Variants in NXPE1 observed in about 807,000 individuals in gnomAD.
The protein encoded by NXPE1 is neurexophilin and PC-esterase domain family member 1, also known as NXPE family member 1.
NXPE1 carries 31 observed loss-of-function variants against 33.3 expected under a neutral mutation model. The ratio of observed to expected loss-of-function variants is 0.93; its 90% CI spans 0.70 to 1.26. The LOEUF (loss-of-function observed/expected upper bound fraction) is 1.26. Among genes scored for constraint, NXPE1 ranks in the 50% most tolerant of loss-of-function variants. The pLI is 0.00. For synonymous variants in NXPE1, 229 were observed against 231.4 expected (o/e 0.99, Z 0.09); for missense variants, 661 against 655.6 (o/e 1.01, Z -0.09).
At chr11:114,530,116 G>T in intron 6 of NXPE1, 59 bp downstream of exon 6, 1 of 1,502,928 alleles carries the variant, frequency 6.7e-7, no homozygotes, top group South Asian at 1.3e-5. Flanking sequence ...GGGCAATGTA[G>T]CTCTGACTGG....
chr11:114,526,891 T>C (rs1565297878), intron 7 of NXPE1, among the ~76,000 whole-genome samples: 1 of 152,222 alleles, frequency 6.6e-6, no homozygotes, highest in Non-Finnish European at 1.5e-5. Flanking sequence ...ATTATTTGCT[T>C]AAATCCAGCA....
intron 5 of NXPE1, among the ~76,000 whole-genome samples, chr11:114,537,530 C>G (rs1235667145): frequency 1.3e-5 from 2 of 152,158 alleles, no homozygotes; most frequent in Non-Finnish European, 2.9e-5. Context: ...ATCTAGAAAA[C>G]CCCATTGTCT....
chr11:114,522,341 T>A (rs748894346), exon 9 of NXPE1: 2 of 1,614,016 alleles, frequency 1.2e-6, no homozygotes, highest in Non-Finnish European at 8.5e-7. Context: ...TGATAGCCGG[T>A]CAATTTCCCG....
intron 7 of NXPE1, chr11:114,527,256 AT>A (rs1233393713): frequency 6.6e-6 from 1 of 152,268 alleles, no homozygotes; most frequent in Non-Finnish European, 1.5e-5. Context: ...ATAAATAAAC[AT>A]TTGTGGAATA....
intron 7 of NXPE1, chr11:114,526,763 C>A (rs1419995371): frequency 1.3e-5 from 2 of 152,198 alleles, no homozygotes; most frequent in African/African-American, 4.8e-5. Flanking sequence ...ATTTGTATTA[C>A]TTCTAACAAG....
intron 5 of NXPE1, among the ~76,000 whole-genome samples, chr11:114,540,076 C>A (rs573922612): frequency 6.6e-6 from 1 of 152,180 alleles, no homozygotes; most frequent in Non-Finnish European, 1.5e-5. Context: ...CTGCCTCAGC[C>A]GCCTGAATAG....
At chr11:114,541,221 A>T (rs1948089303) in intron 5 of NXPE1, among the ~76,000 whole-genome samples, 1 of 152,202 alleles carries the variant, frequency 6.6e-6, no homozygotes, top group African/African-American at 2.4e-5. Context: ...AACAGTCACA[A>T]TTCAAAATTA....
chr11:114,539,316 G>C (rs1397701796), intron 5 of NXPE1, among the ~76,000 whole-genome samples: 1 of 151,814 alleles, frequency 6.6e-6, no homozygotes, highest in African/African-American at 2.4e-5. Context: ...ATAGCATTAG[G>C]AGATATACCT....
At chr11:114,552,655 T>C (rs76415035) in intron 2 of NXPE1, among the ~76,000 whole-genome samples, 197 bp downstream of exon 2, 2 of 152,122 alleles carry the variant, frequency 1.3e-5, no homozygotes, top group African/African-American at 2.4e-5. Context: ...TTTCTGACTT[T>C]TAAGTGAATT....
chr11:114,523,159 C>G (rs1947268136), intron 7 of NXPE1, 68 bp from the exon 8 acceptor site: 2 of 1,111,658 alleles, frequency 1.8e-6, no homozygotes, highest in Non-Finnish European at 1.3e-6. Flanking sequence ...CTTTCCTGGT[C>G]TTTCATTTTC....
chr11:114,541,195 G>A (rs1948088362), intron 5 of NXPE1, among the ~76,000 whole-genome samples: 1 of 152,092 alleles, frequency 6.6e-6, no homozygotes, highest in Non-Finnish European at 1.5e-5. Flanking sequence ...AACGGAATCC[G>A]TGGTTTCCAC....
rs58089347 is a variant in NXPE1 at position 114,549,959 on chromosome 11, T to C, written c.99+1144A>G. ...AGAGAAGCTAAAATGGAAGTGACAA[T>C]CCAATATATGGCAGCAAAATGATAA... is the stretch of plus-strand genomic sequence containing the variant. On this transcript the variant is annotated intron_variant, in intron 5 of 8. Transcript: ENST00000534921. Among the ~76,000 whole-genome samples the C allele has an allele frequency of 4.1e-4, 62 of 152,008 alleles. 1 individual carries two copies. The highest frequency in any genetic ancestry group is 1.4e-3 in the African/African-American group (60 of 41,486).
intron 5 of NXPE1, among the ~76,000 whole-genome samples, chr11:114,544,401 A>T (rs1254683484): frequency 6.6e-6 from 1 of 152,224 alleles, no homozygotes; most frequent in Non-Finnish European, 1.5e-5. Flanking sequence ...AGGGAACATA[A>T]TAGAAAGCCA....
chr11:114,538,631 A>G (rs1005531370), intron 5 of NXPE1, among the ~76,000 whole-genome samples: 6 of 152,240 alleles, frequency 3.9e-5, no homozygotes, highest in Admixed American at 1.3e-4. Flanking sequence ...ATATGAACAG[A>G]CACTTCTCAA....
chr11:114,522,006 CA>C lies in NXPE1; in HGVS notation c.1605del (p.Ile535MetfsTer9), dbSNP rs745602241. The C allele has an allele frequency of 6.2e-7, 1 of 1,613,228 alleles. No individual in the cohort carries two copies. Among genetic ancestry groups the C allele is most frequent in the Middle Eastern group, 1.7e-4 (1 of 6,052 alleles). ...TTTAAGAACATGTTAATCTGATTTC[CA>C]ATCACATGATCAGGTGGGTGGATAG... On this transcript the variant is annotated frameshift_variant, in exon 9 of 9. Coordinates refer to ENST00000534921, the Ensembl canonical transcript of NXPE1. LOFTEE classifies it high-confidence loss of function.
At position 114,522,281 on chromosome 11, in the gene NXPE1, G is replaced by A. The variant is rs774850313; in HGVS notation, c.1331C>T (p.Pro444Leu). Residue 444 changes from proline to leucine, a missense_variant, in exon 9 of 9, where the codon CCA (proline) becomes CTA (leucine). Physicochemically the swap from Pro to Leu is moderately conservative, Grantham distance 98 (BLOSUM62 -3). Transcript: ENST00000534921. ...GCGAATAAAAATGTCAATGGGAAAT[G>A]GTCTAAAGTGCTGGCCAAAGGTGAT... The A allele has an allele frequency of 1.2e-5, 19 of 1,614,006 alleles. No homozygotes were observed. The South Asian group carries it at 2.1e-4, about 18-fold the overall frequency.
At chr11:114,532,614 A>T (rs1213975349) in intron 5 of NXPE1, among the ~76,000 whole-genome samples, 2 of 152,154 alleles carry the variant, frequency 1.3e-5, no homozygotes, top group Non-Finnish European at 2.9e-5. Flanking sequence ...TAAGAATGGA[A>T]TATATTTTAT....
chr11:114,530,259 A>C, exon 6 of NXPE1: 1 of 1,613,992 alleles, frequency 6.2e-7, no homozygotes, highest in Non-Finnish European at 8.5e-7. Flanking sequence ...CTCACAGGGC[A>C]TGTGTTGAGG....
chr11:114,525,840 C>G (rs558818880), intron 7 of NXPE1, among the ~76,000 whole-genome samples: 1 of 152,174 alleles, frequency 6.6e-6, no homozygotes, highest in Non-Finnish European at 1.5e-5. Flanking sequence ...TGTCTTTGTT[C>G]GGGGCTCAGC....
Sources: gnomAD v4.1 joint callset for allele counts (sites outside exome capture counted in the v4.1 genomes callset) on GRCh38, gnomAD v4.1.1 for gene constraint, MANE v1.5 for transcripts, NCBI Gene and HGNC (gene_info 2026-07-23, HGNC 2026-07-21) for gene names.